SLC9A9: variants seen among roughly 807,000 people sequenced by gnomAD.
SLC9A9 encodes the protein sodium/hydrogen exchanger 9.
SLC9A9 carries 62 observed loss-of-function variants against 77.8 expected under a neutral mutation model. The ratio of observed to expected loss-of-function variants is 0.80; its 90% CI spans 0.65 to 0.98. The LOEUF is 0.98. Among genes scored for constraint, SLC9A9 ranks in the 50% least tolerant of loss-of-function variants. The pLI is 0.00. For synonymous variants in SLC9A9, 320 were observed against 283.5 expected (o/e 1.13, Z -1.29); for missense variants, 775 against 774.9 (o/e 1.00, Z 0.00).
chr3:143,292,548 C>T (rs150243508), intron 14 of SLC9A9, among the ~76,000 whole-genome samples: 69 of 152,200 alleles, frequency 4.5e-4, no homozygotes, highest in African/African-American at 1.6e-3. Context: ...CCTCTACTCT[C>T]CTGTGTTTGC....
chr3:143,709,110 G>A (rs938536690), intron 4 of SLC9A9, among the ~76,000 whole-genome samples: 1 of 152,162 alleles, frequency 6.6e-6, no homozygotes. Context: ...ATTCACAGGC[G>A]TGGGCGGCAA....
intron 9 of SLC9A9, among the ~76,000 whole-genome samples, chr3:143,496,061 C>T (rs1328030350): frequency 1.3e-5 from 2 of 152,146 alleles, no homozygotes; most frequent in Admixed American, 1.3e-4. Context: ...TAAATGTCTA[C>T]AATTTCTAGC....
intron 2 of SLC9A9, among the ~76,000 whole-genome samples, chr3:143,801,787 G>T (rs1043002101): frequency 6.6e-6 from 1 of 152,002 alleles, no homozygotes; most frequent in Non-Finnish European, 1.5e-5. Context: ...GCCTTAACTC[G>T]GGCCCTCACT....
chr3:143,812,308 T>C (rs1274404778), intron 2 of SLC9A9, among the ~76,000 whole-genome samples: 1 of 152,216 alleles, frequency 6.6e-6, no homozygotes, highest in Non-Finnish European at 1.5e-5. Flanking sequence ...TACAAGAGTA[T>C]TTATTGCAGA....
At chr3:143,528,005 G>T (rs893227213) in intron 9 of SLC9A9, among the ~76,000 whole-genome samples, 2 of 152,210 alleles carry the variant, frequency 1.3e-5, no homozygotes, top group Non-Finnish European at 2.9e-5. Flanking sequence ...TTGGAGAGTA[G>T]GAGTTGGAGG....
chr3:143,704,743 A>G (rs1037152075), intron 4 of SLC9A9, among the ~76,000 whole-genome samples: 2 of 152,122 alleles, frequency 1.3e-5, no homozygotes, highest in African/African-American at 4.8e-5. Context: ...CTGTAATCCC[A>G]GCACTTTGGG....
intron 12 of SLC9A9, among the ~76,000 whole-genome samples, chr3:143,403,816 C>T (rs183001839): frequency 6.6e-6 from 1 of 152,130 alleles, no homozygotes; most frequent in Admixed American, 6.5e-5. Context: ...TTTCGTTTTC[C>T]CTACTTGTAA....
intron 12 of SLC9A9, among the ~76,000 whole-genome samples, chr3:143,413,765 G>T (rs1013066410): frequency 6.8e-6 from 1 of 147,010 alleles, no homozygotes; most frequent in African/African-American, 2.6e-5. Flanking sequence ...AAAGTACAGA[G>T]ATCAGTATTA....
chr3:143,658,470 A>C (rs1394008192), intron 5 of SLC9A9, among the ~76,000 whole-genome samples: 1 of 152,228 alleles, frequency 6.6e-6, no homozygotes, highest in African/African-American at 2.4e-5. Context: ...TTTGGTATAC[A>C]TGTAGGGGAT....
At chr3:143,281,480 A>T (rs76412084) in intron 14 of SLC9A9, among the ~76,000 whole-genome samples, 2,796 of 152,266 alleles carry the variant, frequency 0.018, 83 homozygotes, top group African/African-American at 0.064. Flanking sequence ...CATCTGTAGC[A>T]CCAAAGTGGA....
chr3:143,437,996 T>C (rs897074963), intron 12 of SLC9A9, among the ~76,000 whole-genome samples: 1 of 152,218 alleles, frequency 6.6e-6, no homozygotes, highest in African/African-American at 2.4e-5. Flanking sequence ...AATCAATGAA[T>C]CCTTCATTTT....
At chr3:143,777,130 A>T (rs1010421652) in intron 4 of SLC9A9, among the ~76,000 whole-genome samples, 6 of 152,148 alleles carry the variant, frequency 3.9e-5, no homozygotes, top group Non-Finnish European at 7.3e-5. Context: ...CTGGTGTTGG[A>T]GTACCCATCA....
intron 4 of SLC9A9, 88 bp downstream of exon 4, chr3:143,794,913 G>T: frequency 1.6e-6 from 2 of 1,222,280 alleles, no homozygotes; most frequent in Non-Finnish European, 2.4e-6. Flanking sequence ...AATTTTCCCA[G>T]CCAGCAAGAA....
intron 4 of SLC9A9, among the ~76,000 whole-genome samples, chr3:143,776,240 G>A (rs1455424791): frequency 1.3e-5 from 2 of 152,144 alleles, no homozygotes; most frequent in East Asian, 3.9e-4. Context: ...AGCAAACTAT[G>A]TACTATTCCT....
intron 9 of SLC9A9, among the ~76,000 whole-genome samples, chr3:143,528,514 G>A (rs6769520): frequency 0.11 from 16,402 of 152,066 alleles, 1,661 homozygotes; most frequent in East Asian, 0.43. Flanking sequence ...ATCTTTTCCC[G>A]TTTTAGCACT....
intron 12 of SLC9A9, among the ~76,000 whole-genome samples, chr3:143,437,158 C>T (rs2034635232): frequency 6.6e-6 from 1 of 152,254 alleles, no homozygotes; most frequent in Non-Finnish European, 1.5e-5. Context: ...ACAGTGGGTG[C>T]CCCATAGCAG....
At chr3:143,706,676 G>T (rs73868101) in intron 4 of SLC9A9, among the ~76,000 whole-genome samples, 25 of 152,280 alleles carry the variant, frequency 1.6e-4, no homozygotes, top group African/African-American at 5.3e-4. Flanking sequence ...TCTCTCCTCT[G>T]TAAGGGGTGG....
intron 12 of SLC9A9, among the ~76,000 whole-genome samples, chr3:143,435,645 A>T (rs1350165731): frequency 1.3e-5 from 2 of 152,210 alleles, no homozygotes; most frequent in South Asian, 4.1e-4. Context: ...TCTTAAAGGT[A>T]GGAATCAATG....
intron 5 of SLC9A9, among the ~76,000 whole-genome samples, chr3:143,677,598 GT>G (rs1448232347): frequency 1.3e-5 from 2 of 152,080 alleles, no homozygotes; most frequent in Non-Finnish European, 2.9e-5. Flanking sequence ...CCAGAAGTCT[GT>G]TAATGATTTA....
Sources: gnomAD v4.1 joint callset for allele counts (sites outside exome capture counted in the v4.1 genomes callset) on GRCh38, gnomAD v4.1.1 for gene constraint, MANE v1.5 for transcripts, NCBI Gene and HGNC (gene_info 2026-07-23, HGNC 2026-07-21) for gene names.